The following ESR1 variants were observed in gnomAD, a reference collection of about 807,000 sequenced individuals.
ESR1 encodes estrogen receptor.
ESR1 carries 12 observed loss-of-function variants against 52.7 expected under a neutral mutation model. That is an observed-to-expected ratio of 0.23 (90% CI 0.15 to 0.37). The LOEUF is 0.37. ESR1 is among the 10% of genes least tolerant of loss of function. The pLI is 1.00. For synonymous variants in ESR1, 305 were observed against 316.8 expected, an observed-to-expected ratio of 0.96 and a Z score of 0.39; for missense variants, 584 against 779.7, an observed-to-expected ratio of 0.75 and a Z score of 2.99.
intron 2 of ESR1, among the ~76,000 whole-genome samples, chr6:151,727,616 A>G (rs1026437208): frequency 5.9e-5 from 9 of 152,206 alleles, no homozygotes; most frequent in Admixed American, 5.9e-4. Context: ...CAAAAATAGG[A>G]GCCAGAATAG....
chr6:151,896,941 A>G (rs545490156), intron 3 of ESR1, among the ~76,000 whole-genome samples: 11 of 152,276 alleles, frequency 7.2e-5, no homozygotes, highest in African/African-American at 2.6e-4. Context: ...TGTTGACCCA[A>G]TGATCATTCA....
chr6:151,806,557 T>TATATATATATAC (rs1554259008), upstream of ESR1, among the ~76,000 whole-genome samples: 543 of 133,674 alleles, frequency 4.1e-3, 11 homozygotes, highest in African/African-American at 0.011. Context: ...TATATATATA[T>TATATATATATAC]ACACATATAT....
chr6:151,812,326 A>G (rs947304844), intron 1 of ESR1, among the ~76,000 whole-genome samples: 22 of 152,332 alleles, frequency 1.4e-4, no homozygotes, highest in African/African-American at 5.3e-4. Context: ...GGGAAATAAC[A>G]GATTTAAGTG....
intron 2 of ESR1, among the ~76,000 whole-genome samples, chr6:151,876,347 T>G (rs1791816889): frequency 6.6e-6 from 1 of 151,996 alleles, no homozygotes; most frequent in Non-Finnish European, 1.5e-5. Flanking sequence ...AGGTGGACAT[T>G]CAGGAAACTC....
chr6:152,129,121 T>G (rs1365569975), exon 7 of ESR1: 1 of 152,274 alleles, frequency 6.6e-6, no homozygotes, highest in Non-Finnish European at 1.5e-5. Context: ...AAAGCCCTGT[T>G]AGGAGGCATG....
At chr6:151,821,881 G>A (rs1479412801) in intron 1 of ESR1, among the ~76,000 whole-genome samples, 1 of 152,064 alleles carries the variant, frequency 6.6e-6, no homozygotes, top group East Asian at 1.9e-4. Flanking sequence ...ATTGTTCCAG[G>A]AAATGAAATG....
Position 151,886,780 on chromosome 6 carries a change from C to T in ESR1, c.760+6009C>T, listed in dbSNP as rs1006521767. On this transcript the variant is annotated intron_variant, in intron 3 of 7. Transcript: ENST00000206249. ...AACCGGCTGGCCATGGTGGCTCACACCTGTAATCCCAGCATTTTGGGAGGC... is the reference window on the plus strand; with the variant it reads ...AACCGGCTGGCCATGGTGGCTCACATCTGTAATCCCAGCATTTTGGGAGGC... Among the ~76,000 whole-genome samples, 10 of 152,248 alleles carry T rather than the reference C, an allele frequency of 6.6e-5. No individual in the cohort carries two copies. In the South Asian group the frequency reaches 1.0e-3, roughly 16 times the overall value.
intron 6 of ESR1, among the ~76,000 whole-genome samples, chr6:152,087,444 G>A (rs894753251): frequency 6.6e-6 from 1 of 152,046 alleles, no homozygotes; most frequent in Non-Finnish European, 1.5e-5. Flanking sequence ...TATAACAATA[G>A]GCTACAAAAT....
intron 1 of ESR1, among the ~76,000 whole-genome samples, chr6:151,669,922 G>A (rs1000616042): frequency 2.6e-5 from 4 of 152,164 alleles, no homozygotes; most frequent in Admixed American, 1.3e-4. Context: ...TGGAAGACAC[G>A]GAAGATTTGT....
At position 151,696,417 on chromosome 6, in the gene ESR1, A is replaced by G. The variant is rs146016200; in HGVS notation, c.-201-5458A>G. 6.3e-3 allele frequency among the ~76,000 whole-genome samples: 960 copies of G among 152,130 alleles called. 14 individuals carry two copies. The highest frequency in any genetic ancestry group is 0.022 in the African/African-American group (932 of 41,486). Reference sequence around the variant, plus strand: ...AACCTGGGAGGCGGAGGTTGCAGTGAGCTGAGATAACACCACTGCACTCCA... The same window carrying G: ...AACCTGGGAGGCGGAGGTTGCAGTGGGCTGAGATAACACCACTGCACTCCA... On this transcript the variant is annotated intron_variant, in intron 1 of 2. Transcript: ENST00000404742.
chr6:152,090,312 T>G (rs1418164779), intron 6 of ESR1, among the ~76,000 whole-genome samples: 1 of 152,242 alleles, frequency 6.6e-6, no homozygotes, highest in Non-Finnish European at 1.5e-5. Flanking sequence ...TTGAGGAATT[T>G]TCTTCACTTT....
chr6:151,728,669 C>T (rs1782019480), intron 2 of ESR1, among the ~76,000 whole-genome samples: 1 of 152,174 alleles, frequency 6.6e-6, no homozygotes, highest in Admixed American at 6.5e-5. Flanking sequence ...ATACCTGCCC[C>T]CCATCCACAC....
At chr6:152,059,211 A>C (rs934732057) in intron 5 of ESR1, among the ~76,000 whole-genome samples, 14 of 152,264 alleles carry the variant, frequency 9.2e-5, no homozygotes, top group Admixed American at 2.0e-4. Context: ...ATAAAAATGA[A>C]TAAACCCCAG....
chr6:152,085,552 G>A (rs1432601226), intron 6 of ESR1, among the ~76,000 whole-genome samples: 1 of 152,066 alleles, frequency 6.6e-6, no homozygotes, highest in African/African-American at 2.4e-5. Context: ...CCACCTTGAG[G>A]CATCTTTATT....
intron 3 of ESR1, among the ~76,000 whole-genome samples, chr6:151,942,249 A>G (rs1305597906): frequency 6.6e-6 from 1 of 152,170 alleles, no homozygotes; most frequent in Non-Finnish European, 1.5e-5. Flanking sequence ...TACCTACGTA[A>G]TGTCCTGAAA....
At chr6:151,660,059 A>C (rs1777587448) in intron 1 of ESR1, among the ~76,000 whole-genome samples, 1 of 152,238 alleles carries the variant, frequency 6.6e-6, no homozygotes, top group South Asian at 2.1e-4. Flanking sequence ...TCAGATTAGC[A>C]CTTTAGAATT....
At chr6:151,657,911 C>T (rs1455126256) in intron 1 of ESR1, among the ~76,000 whole-genome samples, 3 of 151,958 alleles carry the variant, frequency 2.0e-5, no homozygotes, top group Non-Finnish European at 2.9e-5. Context: ...GTATGATGAC[C>T]AGAGTTGTTC....
chr6:151,854,435 G>A (rs1346430766), intron 2 of ESR1, among the ~76,000 whole-genome samples: 17 of 151,952 alleles, frequency 1.1e-4, no homozygotes, highest in Middle Eastern at 3.4e-3. Context: ...TTCCTTTAGC[G>A]GAAATAAAAA....
At chr6:151,883,732 T>A (rs1050149925) in intron 3 of ESR1, among the ~76,000 whole-genome samples, 18 of 152,124 alleles carry the variant, frequency 1.2e-4, no homozygotes, top group Non-Finnish European at 2.6e-4. Context: ...AATTGCCTCA[T>A]AGCTCTGGAG....
Sources: gnomAD v4.1 joint callset for allele counts (sites outside exome capture counted in the v4.1 genomes callset) on GRCh38, gnomAD v4.1.1 for gene constraint, MANE v1.5 for transcripts, NCBI Gene and HGNC (gene_info 2026-07-23, HGNC 2026-07-21) for gene names.